The following C8orf34 variants were observed in gnomAD, a reference collection of about 807,000 sequenced individuals.
The protein encoded by C8orf34 is uncharacterized protein C8orf34.
A neutral mutation model predicts 68.3 loss-of-function variants in C8orf34; 65 were observed. The ratio of observed to expected loss-of-function variants is 0.95; its 90% CI spans 0.78 to 1.17. The LOEUF (loss-of-function observed/expected upper bound fraction) is 1.17, where lower values mean the gene tolerates loss of function less well. C8orf34 is among the 50% of genes most tolerant of loss of function. C8orf34 has a pLI of 0.00. For missense variants in C8orf34, 664 were observed against 655.4 expected, an observed-to-expected ratio of 1.01 and a Z score of -0.14; for synonymous variants, 244 against 241.2, an observed-to-expected ratio of 1.01 and a Z score of -0.11.
intron 11 of C8orf34, among the ~76,000 whole-genome samples, chr8:68,779,202 C>T (rs1378116640): frequency 1.3e-5 from 2 of 151,150 alleles, no homozygotes; most frequent in African/African-American, 2.4e-5. Flanking sequence ...CACACACACA[C>T]ACACACACAC....
At chr8:68,498,422 C>T (rs1318721111) in intron 5 of C8orf34, among the ~76,000 whole-genome samples, 1 of 152,164 alleles carries the variant, frequency 6.6e-6, no homozygotes, top group Non-Finnish European at 1.5e-5. Flanking sequence ...AACTGCATTT[C>T]AATTTTTTGG....
intron 1 of C8orf34, among the ~76,000 whole-genome samples, chr8:68,399,079 C>T (rs900835322): frequency 6.6e-6 from 1 of 152,108 alleles, no homozygotes; most frequent in Non-Finnish European, 1.5e-5. Context: ...TAATATTTTT[C>T]AGGATGAAAC....
chr8:68,714,485 G>A (rs1001757978), intron 9 of C8orf34, among the ~76,000 whole-genome samples: 2 of 151,988 alleles, frequency 1.3e-5, no homozygotes, highest in Non-Finnish European at 2.9e-5. Flanking sequence ...CACCAACAGC[G>A]ACCAAGCTGG....
intron 1 of C8orf34, among the ~76,000 whole-genome samples, chr8:68,368,577 T>C (rs1257529669): frequency 6.6e-6 from 1 of 152,176 alleles, no homozygotes; most frequent in Non-Finnish European, 1.5e-5. Context: ...AGAAGAATGA[T>C]CATTGCAATA....
chr8:68,754,419 A>G lies in C8orf34; in HGVS notation c.1405-21980A>G, dbSNP rs144849182. ...TTTCATGATTACTTTGTATTGAGGCATAACATTCCTTTTCGATGTAAACAG... is the reference window on the plus strand; with the variant it reads ...TTTCATGATTACTTTGTATTGAGGCGTAACATTCCTTTTCGATGTAAACAG... On this transcript the variant is annotated intron_variant, in intron 10 of 13. Transcript: ENST00000518698. 5.4e-3 allele frequency among the ~76,000 whole-genome samples: 825 copies of G among 152,360 alleles called. 10 individuals are homozygous for G. The highest frequency in any genetic ancestry group is 0.018 in the African/African-American group (732 of 41,580).
chr8:68,674,637 G>A (rs530635107), intron 8 of C8orf34, among the ~76,000 whole-genome samples: 1 of 152,114 alleles, frequency 6.6e-6, no homozygotes, highest in African/African-American at 2.4e-5. Context: ...AATGAAGTAT[G>A]CCTACAAGAT....
At chr8:68,497,652 A>C (rs1158044500) in intron 5 of C8orf34, among the ~76,000 whole-genome samples, 1 of 152,202 alleles carries the variant, frequency 6.6e-6, no homozygotes, top group African/African-American at 2.4e-5. Flanking sequence ...CAGTATAACC[A>C]TACAAGACAG....
intron 1 of C8orf34, among the ~76,000 whole-genome samples, chr8:68,356,907 A>G (rs896475859): frequency 2.6e-5 from 4 of 152,126 alleles, no homozygotes; most frequent in African/African-American, 9.6e-5. Context: ...GTTTGGAGAT[A>G]TTGATCTAAT....
At chr8:68,795,513 G>C (rs559954027) in intron 12 of C8orf34, among the ~76,000 whole-genome samples, 56 of 152,232 alleles carry the variant, frequency 3.7e-4, no homozygotes, top group African/African-American at 1.3e-3. Context: ...TGCTGCTGCT[G>C]TTTCTTTATC....
rs1282291648 is a variant in C8orf34 at position 68,794,503 on chromosome 8, A to AT, written c.1549+6968dup. 3.5e-3 allele frequency among the ~76,000 whole-genome samples: 272 copies of AT among 78,386 alleles called. 6 individuals are homozygous for AT. The highest frequency in any genetic ancestry group is 0.018 in the African/African-American group (230 of 12,826). 51.4% of individuals were successfully genotyped at this position (78,386 alleles called of 152,430 possible). A position where few individuals can be genotyped will look rare whatever the true frequency, so the allele number is the denominator to read the frequency against. Reference sequence around the variant, plus strand: ...TATAAATATATATATATATATATATATATTTTTTTTTTTTTTTTTTAGACA... The same window carrying AT: ...TATAAATATATATATATATATATATATTATTTTTTTTTTTTTTTTTTAGACA... On this transcript the variant is annotated intron_variant, in intron 12 of 13. Transcript: ENST00000518698.
chr8:68,743,735 G>A (rs894479290), intron 10 of C8orf34, among the ~76,000 whole-genome samples: 16 of 152,200 alleles, frequency 1.1e-4, no homozygotes, highest in Admixed American at 1.3e-4. Flanking sequence ...AGGGTCCTAC[G>A]CCCACGGAGT....
At chr8:68,602,507 TACTC>T (rs974397978) in intron 7 of C8orf34, among the ~76,000 whole-genome samples, 14 of 152,046 alleles carry the variant, frequency 9.2e-5, no homozygotes, top group African/African-American at 2.9e-4. Flanking sequence ...CTTGAGAACT[TACTC>T]ACCATCACGA....
intron 1 of C8orf34, among the ~76,000 whole-genome samples, chr8:68,398,710 C>T (rs1247343005): frequency 1.3e-5 from 2 of 152,080 alleles, no homozygotes; most frequent in Non-Finnish European, 2.9e-5. Flanking sequence ...ATAACTCAGC[C>T]TCCTTATCAA....
intron 11 of C8orf34, among the ~76,000 whole-genome samples, chr8:68,779,229 A>T (rs1823607550): frequency 7.0e-6 from 1 of 143,640 alleles, no homozygotes; most frequent in Non-Finnish European, 1.5e-5. Flanking sequence ...ACACACACAC[A>T]CTACCCAGAC....
rs569053540 is a variant in C8orf34 at position 68,460,540 on chromosome 8, C to A, written c.608-8152C>A. Among the ~76,000 whole-genome samples the A allele has an allele frequency of 2.1e-3, 326 of 152,274 alleles. 1 individual carries two copies. Among genetic ancestry groups the A allele is most frequent in the African/African-American group, 7.1e-3 (293 of 41,556 alleles). On this transcript the variant is annotated intron_variant, in intron 3 of 13. Coordinates refer to ENST00000518698, the MANE Select transcript of C8orf34 (RefSeq NM_052958.4). ...CTGAGCAGCCTAACTGGGAGGCACC[C>A]CCCAGTAGCGGCAGACTGACACCTC...
At chr8:68,415,059 T>C (rs1450147096) in intron 1 of C8orf34, among the ~76,000 whole-genome samples, 2 of 152,024 alleles carry the variant, frequency 1.3e-5, no homozygotes, top group African/African-American at 4.8e-5. Context: ...TGACCTGAGG[T>C]GTGGAAGCTA....
At chr8:68,762,710 G>A (rs754505955) in intron 10 of C8orf34, among the ~76,000 whole-genome samples, 1 of 152,192 alleles carries the variant, frequency 6.6e-6, no homozygotes, top group Non-Finnish European at 1.5e-5. Context: ...CGTAAGAATA[G>A]AAGATATCCT....
At chr8:68,599,769 T>TA (rs776256866) in intron 7 of C8orf34, among the ~76,000 whole-genome samples, 41 of 152,124 alleles carry the variant, frequency 2.7e-4, no homozygotes, top group Non-Finnish European at 5.4e-4. Flanking sequence ...ATACCTGTTG[T>TA]AAAAAACTGG....
At chr8:68,641,998 G>A (rs1030510928) in intron 8 of C8orf34, among the ~76,000 whole-genome samples, 3 of 152,054 alleles carry the variant, frequency 2.0e-5, no homozygotes, top group Admixed American at 6.5e-5. Flanking sequence ...GATCATTCTC[G>A]GAGTTAATTA....
Sources: gnomAD v4.1 joint callset for allele counts (sites outside exome capture counted in the v4.1 genomes callset) on GRCh38, gnomAD v4.1.1 for gene constraint, MANE v1.5 for transcripts, NCBI Gene and HGNC (gene_info 2026-07-23, HGNC 2026-07-21) for gene names.